The following TNS1 variants were observed in gnomAD, a reference collection of about 807,000 sequenced individuals.
TNS1 encodes tensin 1.
TNS1 carries 62 observed loss-of-function variants against 168.6 expected under a neutral mutation model. The ratio of observed to expected loss-of-function variants is 0.37; its 90% confidence interval spans 0.30 to 0.45. The LOEUF is 0.45. TNS1 is among the 20% of genes least tolerant of loss of function. The probability of loss-of-function intolerance (pLI) is 1.00; values close to 1 mark genes in which losing one functional copy is unlikely to be tolerated. For synonymous variants in TNS1, 934 were observed against 933.2 expected, an observed-to-expected ratio of 1.00 and a Z score of -0.02; for missense variants, 2,240 against 2,339.4, an observed-to-expected ratio of 0.96 and a Z score of 0.88.
rs760310159 is a variant in TNS1 at position 217,813,814 on chromosome 2, T to C, written c.4732A>G (p.Ile1578Val). The change falls in exon 26 of 33, where the codon ATC becomes GTC. Residue 1578 changes from isoleucine to valine, a missense_variant and splice_region_variant. Transcript: ENST00000682258. The surrounding 1 kb of genome is among the most constrained non-coding windows in gnomAD (Gnocchi z 4.0). ...GGCTCCTGGTCCTTGAGGAGCGCGATGGCTGCATGGGGAAGGGACAAGGAG... is the reference window on the plus strand; with the variant it reads ...GGCTCCTGGTCCTTGAGGAGCGCGACGGCTGCATGGGGAAGGGACAAGGAG... ...YKPEISREQAIALLKDQEPGA... is the reference protein window; with the variant it reads ...YKPEISREQAVALLKDQEPGA... 1.7e-5 allele frequency: 28 copies of C among 1,609,034 alleles called. No homozygotes were observed. Among genetic ancestry groups the C allele is most frequent in the Non-Finnish European group, 2.2e-5 (26 of 1,177,728 alleles).
At chr2:218,008,154 C>T (rs947451116) in intron 1 of TNS1, among the ~76,000 whole-genome samples, 30 of 152,164 alleles carry the variant, frequency 2.0e-4, no homozygotes, top group Admixed American at 1.6e-3. Flanking sequence ...TCACCCTGGG[C>T]GGAGACGTGT....
At position 217,880,920 on chromosome 2, in the gene TNS1, C is replaced by T; in HGVS notation, c.1407G>A (p.Gly469=). The change falls in exon 18 of 33, where the codon GGG becomes GGA. Residue 469 remains glycine, a synonymous_variant. Transcript: ENST00000682258. This position sits in a 1 kb window ranked among gnomAD's most constrained non-coding sequence, Gnocchi z 4.2. ...TACCCTCCATGCCGTCATCTCGATG[C>T]CCACTGAAGTTGTCGTAGGAGTCCC... ...IRWDSYDNFS[G]HRDDGMEEVV... The T allele has an allele frequency of 6.2e-7, 1 of 1,613,990 alleles. No individual in the cohort carries two copies. Among genetic ancestry groups the T allele is most frequent in the Non-Finnish European group, 8.5e-7 (1 of 1,179,908 alleles).
intron 3 of TNS1, among the ~76,000 whole-genome samples, chr2:217,963,889 C>CAAA (rs58953604): frequency 0.021 from 2,652 of 126,384 alleles, 43 homozygotes; most frequent in Middle Eastern, 0.032. Flanking sequence ...ACTAAAAATA[C>CAAA]AAAAAAAAAA....
chr2:218,012,195 T>C (rs371985890), upstream of TNS1, among the ~76,000 whole-genome samples: 228 of 152,130 alleles, frequency 1.5e-3, 4 homozygotes, highest in South Asian at 0.045. Context: ...GGAAATGGGG[T>C]TTAATGCATC....
chr2:217,957,328 C>T lies in TNS1; in HGVS notation c.186+21437G>A, dbSNP rs192719424. Among the ~76,000 whole-genome samples the T allele has an allele frequency of 1.7e-4, 26 of 152,312 alleles. No individual in the cohort carries two copies. The East Asian group carries it at 4.3e-3, about 25-fold the overall frequency. ...CCCAGCTTCACTCCAAGGTGCCGCA[C>T]TCCTCCCACTGTGTCTCTGCATACA... is the stretch of plus-strand genomic sequence containing the variant. On this transcript the variant is annotated intron_variant, in intron 3 of 32. Coordinates refer to ENST00000682258, the MANE Select transcript of TNS1 (RefSeq NM_001387777.1).
chr2:218,004,377 C>CA (rs375370949), upstream of TNS1, among the ~76,000 whole-genome samples: 1 of 151,992 alleles, frequency 6.6e-6, no homozygotes, highest in Non-Finnish European at 1.5e-5. Context: ...CTCCCCCCCC[C>CA]ACTCACCCAA....
intron 3 of TNS1, among the ~76,000 whole-genome samples, chr2:217,932,092 C>T (rs531147245): frequency 1.3e-5 from 2 of 152,334 alleles, no homozygotes; most frequent in South Asian, 4.1e-4. Flanking sequence ...CATTTTTTCT[C>T]ATCGCCTGAC....
intron 3 of TNS1, among the ~76,000 whole-genome samples, chr2:217,977,595 C>T (rs1229297920): frequency 4.6e-5 from 7 of 152,226 alleles, no homozygotes; most frequent in Non-Finnish European, 1.0e-4. Context: ...CCACCCTGTG[C>T]CAGGCACTGG....
Position 217,947,887 on chromosome 2 carries a change from C to T in TNS1, c.187-27651G>A, listed in dbSNP as rs1957151018. Reference sequence around the variant, plus strand: ...ATTTAAGCTCCTGCCCCGCGCCAAGCTTTTCCCATGTGCACTCCACACAGA... The same window carrying T: ...ATTTAAGCTCCTGCCCCGCGCCAAGTTTTTCCCATGTGCACTCCACACAGA... On this transcript the variant is annotated intron_variant, in intron 3 of 32. Coordinates refer to ENST00000682258, the MANE Select transcript of TNS1 (RefSeq NM_001387777.1). 2.6e-5 allele frequency among the ~76,000 whole-genome samples: 4 copies of T among 152,308 alleles called. No individual in the cohort carries two copies. In the South Asian group the frequency reaches 8.3e-4, roughly 32 times the overall value.
At chr2:217,944,178 A>T (rs1309597233) in intron 3 of TNS1, 1 of 152,404 alleles carries the variant, frequency 6.6e-6, no homozygotes, top group African/African-American at 2.4e-5. Context: ...CCCCTCCGCC[A>T]GCCATGGCCT....
intron 7 of TNS1, among the ~76,000 whole-genome samples, chr2:217,899,947 G>A (rs767624268): frequency 2.6e-5 from 4 of 152,194 alleles, no homozygotes; most frequent in Non-Finnish European, 2.9e-5. Flanking sequence ...TCTCTGGATC[G>A]CCAGGACACA....
At chr2:217,946,965 T>TCACACACACACACA (rs1434475994) in intron 3 of TNS1, among the ~76,000 whole-genome samples, 1 of 130,576 alleles carries the variant, frequency 7.7e-6, no homozygotes, top group African/African-American at 3.8e-5. Context: ...TCTCTCTCTC[T>TCACACACACACACA]CTCTCACACA....
At chr2:217,912,776 C>A (rs1229549176) in intron 4 of TNS1, among the ~76,000 whole-genome samples, 1 of 152,176 alleles carries the variant, frequency 6.6e-6, no homozygotes, top group Non-Finnish European at 1.5e-5. Context: ...ACATACAGAC[C>A]TATGAGAGCC....
intron 4 of TNS1, among the ~76,000 whole-genome samples, chr2:217,918,294 G>C (rs536537321): frequency 6.6e-6 from 1 of 152,208 alleles, no homozygotes; most frequent in East Asian, 1.9e-4. Context: ...ACCAGGGAGC[G>C]GGGGAGCTGG....
intron 1 of TNS1, among the ~76,000 whole-genome samples, chr2:218,022,479 C>T (rs772855263): frequency 1.4e-4 from 21 of 152,284 alleles, no homozygotes; most frequent in African/African-American, 2.2e-4. Flanking sequence ...GACGTGGACA[C>T]GCACACACGC....
intron 1 of TNS1, among the ~76,000 whole-genome samples, chr2:218,018,529 G>A (rs1317726691): frequency 6.6e-6 from 1 of 152,244 alleles, no homozygotes; most frequent in Non-Finnish European, 1.5e-5. Context: ...TGGGGAACGA[G>A]GCCGCTTCTC....
intron 6 of TNS1, among the ~76,000 whole-genome samples, chr2:217,904,871 G>C (rs1445297344): frequency 1.3e-5 from 2 of 152,190 alleles, no homozygotes; most frequent in African/African-American, 4.8e-5. Context: ...TTGCCTAGAA[G>C]GCTTGGTTCA....
chr2:217,920,045 C>G lies in TNS1; in HGVS notation c.228+150G>C. On this transcript the variant is annotated intron_variant, in intron 4 of 32. Coordinates refer to ENST00000682258, the MANE Select transcript of TNS1 (RefSeq NM_001387777.1). ...CTCATGACTCATTTCCTCCCAGGCC[C>G]GCTTCGGCCCAGGGAGGTCGACCCT... is the stretch of plus-strand genomic sequence containing the variant. The G allele has an allele frequency of 6.1e-6, 4 of 653,876 alleles. No homozygotes were observed. The Admixed American group carries it at 9.0e-5, about 15-fold the overall frequency. The allele number at this position is 653,876 out of a possible 1,614,324, so 40.5% of individuals were successfully genotyped here.
upstream of TNS1, among the ~76,000 whole-genome samples, chr2:218,003,235 A>G (rs1477622676): frequency 2.9e-4 from 35 of 120,170 alleles, no homozygotes; most frequent in Middle Eastern, 4.9e-3. Context: ...CCTGTGTGCC[A>G]CCAAGGCTCC....
Sources: gnomAD v4.1 joint callset for allele counts (sites outside exome capture counted in the v4.1 genomes callset) on GRCh38, gnomAD v4.1.1 for gene constraint, Gnocchi (gnomAD v3.1) non-coding constraint, MANE v1.5 for transcripts, NCBI Gene and HGNC (gene_info 2026-07-23, HGNC 2026-07-21) for gene names.